Variants in NDUFS2 observed in about 807,000 individuals in gnomAD.
NDUFS2 encodes the protein NADH dehydrogenase [ubiquinone] iron-sulfur protein 2, mitochondrial.
Under a neutral mutation model 69.6 loss-of-function variants are expected in NDUFS2, and 38 were observed. The ratio of observed to expected loss-of-function variants is 0.55; its 90% confidence interval spans 0.42 to 0.72. NDUFS2 has a LOEUF of 0.72. Among genes scored for constraint, NDUFS2 ranks in the 30% least tolerant of loss-of-function variants. NDUFS2 has a pLI of 0.00. For synonymous variants in NDUFS2, 194 were observed against 211.2 expected (o/e 0.92, Z 0.70); for missense variants, 468 against 595.0 (o/e 0.79, Z 2.22).
At position 161,210,275 on chromosome 1, in the gene NDUFS2, A is replaced by G. The variant is rs760243514; in HGVS notation, c.781-29A>G. 12 of 1,610,632 alleles carry G rather than the reference A, an allele frequency of 7.5e-6. No homozygotes were observed. In the South Asian group the frequency reaches 1.2e-4, roughly 16 times the overall value. Reference sequence around the variant, plus strand: ...ATATTTGAAGAGTGTGAGGAAGAGTATTAACACACCAGTTTTCTTGATCAA... The same window carrying G: ...ATATTTGAAGAGTGTGAGGAAGAGTGTTAACACACCAGTTTTCTTGATCAA... On this transcript the variant is annotated intron_variant, in intron 7 of 13. Coordinates refer to ENST00000676972, the MANE Select transcript of NDUFS2 (RefSeq NM_001377299.1).
chr1:161,212,723 C>T, intron 10 of NDUFS2: 1 of 402,146 alleles, frequency 2.5e-6, no homozygotes, highest in Non-Finnish European at 4.7e-6. Flanking sequence ...CTACGCCCAG[C>T]TAATTTTTTG....
upstream of NDUFS2, among the ~76,000 whole-genome samples, chr1:161,200,959 C>A (rs1665091396): frequency 6.6e-6 from 1 of 152,196 alleles, no homozygotes; most frequent in African/African-American, 2.4e-5. Flanking sequence ...GCTCAAGCTG[C>A]CTCCAGGGCC....
At position 161,207,976 on chromosome 1, in the gene NDUFS2, A is replaced by ATTT. The variant is rs965466967; in HGVS notation, c.394-1194_394-1192dup. The stretch of plus-strand genomic sequence containing the variant: ...AGGCACGCACCACCATGCCTGGCTA[A>ATTT]TTTTTTTTTTTTTTTTTTTTTTTTT... On this transcript the variant is annotated intron_variant, in intron 3 of 13. Coordinates refer to ENST00000676972, the MANE Select transcript of NDUFS2 (RefSeq NM_001377299.1). Among the ~76,000 whole-genome samples the ATTT allele has an allele frequency of 1.4e-3, 128 of 88,758 alleles. 2 individuals are homozygous for ATTT. The highest frequency in any genetic ancestry group is 5.2e-3 in the African/African-American group (87 of 16,776). 58.2% of individuals were successfully genotyped at this position (88,758 alleles called of 152,430 possible). A position where few individuals can be genotyped will look rare whatever the true frequency, so the allele number is the denominator to read the frequency against.
At chr1:161,213,772 A>T in intron 12 of NDUFS2, 40 bp downstream of exon 12, 1 of 1,613,190 alleles carries the variant, frequency 6.2e-7, no homozygotes, top group Non-Finnish European at 8.5e-7. Flanking sequence ...CAATGAATTA[A>T]ACCTGACCTT....
chr1:161,198,259 C>T (rs1257493294), upstream of NDUFS2: 2 of 1,614,040 alleles, frequency 1.2e-6, no homozygotes, highest in African/African-American at 1.3e-5. The surrounding 1 kb of genome is among the most constrained non-coding windows in gnomAD (Gnocchi z 4.7). Flanking sequence ...AGGTGCCAGG[C>T]TCTGCTCCAC....
At position 161,208,722 on chromosome 1, in the gene NDUFS2, A is replaced by C. The variant is rs138781027; in HGVS notation, c.394-471A>C. ...TAGCCATTGTCAGAAATTAATTTAT[A>C]TAAGCTTATGATTTAATACATTATA... is the stretch of plus-strand genomic sequence containing the variant. On this transcript the variant is annotated intron_variant, in intron 3 of 13. Transcript: ENST00000676972. 2.8e-3 allele frequency among the ~76,000 whole-genome samples: 422 copies of C among 152,390 alleles called. 9 individuals are homozygous for C. In the East Asian group the frequency reaches 0.037, roughly 13 times the overall value.
intron 2 of NDUFS2, among the ~76,000 whole-genome samples, chr1:161,204,480 T>C (rs1300337582): frequency 6.6e-6 from 1 of 152,224 alleles, no homozygotes; most frequent in African/African-American, 2.4e-5. Flanking sequence ...ACCCTGATTA[T>C]TTTAGGAGTC....
At chr1:161,213,615 T>C (rs745959594) in intron 11 of NDUFS2, 34 bp from the exon 12 acceptor site, 4 of 1,607,916 alleles carry the variant, frequency 2.5e-6, no homozygotes, top group Non-Finnish European at 2.6e-6. Flanking sequence ...ACTCTTCATG[T>C]TAATACAGAC....
intron 3 of NDUFS2, among the ~76,000 whole-genome samples, chr1:161,208,367 C>G (rs1448183694): frequency 6.6e-6 from 1 of 152,118 alleles, no homozygotes; most frequent in East Asian, 1.9e-4. Context: ...GTGGCATAGT[C>G]TTGTCTCACT....
Position 161,209,112 on chromosome 1 carries a change from G to C in NDUFS2, c.394-81G>C, listed in dbSNP as rs375553586. 170 of 1,602,330 alleles carry C rather than the reference G, an allele frequency of 1.1e-4. 2 individuals carry two copies. The Middle Eastern group carries it at 5.5e-3, about 52-fold the overall frequency. Reference sequence around the variant, plus strand: ...TTATACAGCACCAACTTCTGGTGCCGACTGAGAGCAAGGCTTCAGGCAGCC... The same window carrying C: ...TTATACAGCACCAACTTCTGGTGCCCACTGAGAGCAAGGCTTCAGGCAGCC... On this transcript the variant is annotated intron_variant, in intron 3 of 13. Transcript: ENST00000676972.
At chr1:161,204,407 C>A (rs1209811536) in intron 2 of NDUFS2, among the ~76,000 whole-genome samples, 1 of 152,146 alleles carries the variant, frequency 6.6e-6, no homozygotes. Context: ...TGTCTCATAT[C>A]TGGTCATCTC....
Position 161,209,212 on chromosome 1 carries a change from G to T in NDUFS2, c.413G>T (p.Arg138Leu), listed in dbSNP as rs1306101550. ...TYLQALPYFD[R>L]LDYVSMMCNE... The stretch of plus-strand genomic sequence containing the variant: ...TCCCAGGCCCTTCCATACTTTGACC[G>T]GCTAGACTATGTGTCCATGATGTGT... Residue 138 changes from arginine (R) to leucine (L), a missense_variant, in exon 4 of 14, where the codon CGG (arginine) becomes CTG (leucine). Arg to Leu is a moderately radical substitution (Grantham distance 102). Around this residue, in one of 3 missense-constraint regions of NDUFS2, gnomAD observed 339 missense variants for 433.8 expected, o/e 0.78. Transcript: ENST00000676972. 1 of 1,613,984 alleles carries T rather than the reference G, an allele frequency of 6.2e-7. No homozygotes were observed. The highest frequency in any genetic ancestry group is 8.5e-7 in the Non-Finnish European group (1 of 1,180,040).
At chr1:161,208,462 T>G (rs1178093966) in intron 3 of NDUFS2, among the ~76,000 whole-genome samples, 1 of 151,858 alleles carries the variant, frequency 6.6e-6, no homozygotes, top group African/African-American at 2.4e-5. Flanking sequence ...CACCACGCCC[T>G]GCTAATTTTG....
chr1:161,198,377 C>CG (rs757687499), upstream of NDUFS2: 1 of 1,612,580 alleles, frequency 6.2e-7, no homozygotes, highest in Non-Finnish European at 8.5e-7. This position sits in a 1 kb window ranked among gnomAD's most constrained non-coding sequence, Gnocchi z 4.7. Context: ...GGCCTGCAAG[C>CG]GGCACAACAG....
chr1:161,198,549 G>T (rs1192093944), upstream of NDUFS2: 2 of 1,563,722 alleles, frequency 1.3e-6, no homozygotes, highest in Non-Finnish European at 1.7e-6. This position sits in a 1 kb window ranked among gnomAD's most constrained non-coding sequence, Gnocchi z 4.7. Context: ...GGCACAATGG[G>T]GAGCAGGAGG....
rs1665887037 is a variant in NDUFS2, at chr1:161,213,528, T to C, written c.1212+53T>C. 5.8e-6 allele frequency: 9 copies of C among 1,549,184 alleles called. No homozygotes were observed. The Admixed American group carries it at 6.7e-5, about 12-fold the overall frequency. On this transcript the variant is annotated intron_variant, in intron 11 of 13. Transcript: ENST00000676972. ...CATATGTAGAGTAGGTAGCTAAAGATAGATGTTTAACAAATAGCTCATTCA... is the reference window on the plus strand; with the variant it reads ...CATATGTAGAGTAGGTAGCTAAAGACAGATGTTTAACAAATAGCTCATTCA...
Position 161,209,285 on chromosome 1 carries a change from GCCT to G in NDUFS2, c.494_496del (p.Pro165del). 1.9e-6 allele frequency: 3 copies of G among 1,614,072 alleles called. No individual in the cohort carries two copies. The highest frequency in any genetic ancestry group is 1.3e-5 in the African/African-American group (1 of 74,992). On this transcript the variant is annotated inframe_deletion, in exon 4 of 14. Transcript: ENST00000676972. The stretch of plus-strand genomic sequence containing the variant: ...CTGTGGAGAAGTTGCTAAACATCCG[GCCT>G]CCTCCTCGGGCACAGTGGATCCGAG...
chr1:161,201,874 C>A (rs1665144084), upstream of NDUFS2, among the ~76,000 whole-genome samples: 1 of 152,204 alleles, frequency 6.6e-6, no homozygotes, highest in African/African-American at 2.4e-5. Context: ...TTTCTCCAAT[C>A]TCAATTTATG....
At chr1:161,214,014 G>A in intron 13 of NDUFS2, 93 bp downstream of exon 13, 1 of 1,613,600 alleles carries the variant, frequency 6.2e-7, no homozygotes, top group Non-Finnish European at 8.5e-7. Flanking sequence ...GTTCACCATA[G>A]GCCATGGCAT....
Sources: allele counts gnomAD v4.1 joint callset (sites outside exome capture counted in the v4.1 genomes callset), GRCh38; gene constraint gnomAD v4.1.1; regional missense constraint gnomAD v4.1.1; non-coding constraint Gnocchi (gnomAD v3.1); transcripts MANE v1.5; gene names NCBI Gene and HGNC (gene_info 2026-07-23, HGNC 2026-07-21).